ZNG1A: variants seen among roughly 807,000 people sequenced by gnomAD.
The protein encoded by ZNG1A is Zn regulated GTPase metalloprotein activator 1A.
the ZNG1A span, among the ~76,000 whole-genome samples, chr9:142,543 G>C: frequency 9.7e-6 from 1 of 103,084 alleles, no homozygotes; most frequent in Non-Finnish European, 1.9e-5. Flanking sequence ...ATTCAAAGCA[G>C]TGTGTAGAGG....
chr9:163,631 A>C, the ZNG1A span, among the ~76,000 whole-genome samples: 1 of 135,524 alleles, frequency 7.4e-6, no homozygotes, highest in Non-Finnish European at 1.6e-5. Flanking sequence ...TAAAAAACAA[A>C]AGAGGCAGGG....
At chr9:149,785 A>G in the ZNG1A span, among the ~76,000 whole-genome samples, 1 of 150,116 alleles carries the variant, frequency 6.7e-6, no homozygotes, top group Non-Finnish European at 1.5e-5. Flanking sequence ...TCCTCTGTTC[A>G]GTCCACTTAC....
chr9:132,353 A>G, the ZNG1A span, among the ~76,000 whole-genome samples: 1 of 16,214 alleles, frequency 6.2e-5, no homozygotes, highest in Non-Finnish European at 1.6e-4. Context: ...CATCTCTACT[A>G]AAAAAAAAAA....
the ZNG1A span, among the ~76,000 whole-genome samples, chr9:161,912 A>T: frequency 6.6e-6 from 1 of 151,384 alleles, no homozygotes; most frequent in Non-Finnish European, 1.5e-5. Context: ...TGTACTTTTT[A>T]AATTTTAAGT....
the ZNG1A span, among the ~76,000 whole-genome samples, chr9:139,726 A>C: frequency 6.6e-6 from 1 of 151,338 alleles, no homozygotes; most frequent in African/African-American, 2.4e-5. Context: ...AAGACAGGCG[A>C]TTTCTCCATT....
the ZNG1A span, among the ~76,000 whole-genome samples, chr9:127,719 T>C: frequency 1.3e-5 from 2 of 152,184 alleles, no homozygotes; most frequent in South Asian, 2.1e-4. Context: ...CTATTCATCA[T>C]GCTATTTGTT....
At chr9:123,883 A>G in the ZNG1A span, 1 of 156,992 alleles carries the variant, frequency 6.4e-6, no homozygotes, top group Non-Finnish European at 1.4e-5. Flanking sequence ...AGTGAAGATA[A>G]CTATTTCATT....
chr9:144,629 G>A, the ZNG1A span, among the ~76,000 whole-genome samples: 2 of 151,772 alleles, frequency 1.3e-5, no homozygotes, highest in African/African-American at 4.8e-5. Flanking sequence ...TCAGGACATA[G>A]GCATGGGCAA....
the ZNG1A span, among the ~76,000 whole-genome samples, chr9:176,852 A>C: frequency 4.0e-5 from 6 of 151,724 alleles, no homozygotes; most frequent in East Asian, 1.9e-4. Context: ...AAAAAAAAAA[A>C]CACTTTAAGA....
the ZNG1A span, among the ~76,000 whole-genome samples, chr9:145,643 A>G: frequency 6.6e-6 from 1 of 151,682 alleles, no homozygotes; most frequent in African/African-American, 2.4e-5. Context: ...GCACATGTAT[A>G]CATATGTAAC....
At chr9:140,155 C>G in the ZNG1A span, among the ~76,000 whole-genome samples, 6,865 of 151,020 alleles carry the variant, frequency 0.045, 265 homozygotes, top group African/African-American at 0.069. Flanking sequence ...CTGGGTGGAG[C>G]CCACCACAGC....
the ZNG1A span, among the ~76,000 whole-genome samples, chr9:152,571 C>T: frequency 6.6e-6 from 1 of 151,648 alleles, no homozygotes; most frequent in Non-Finnish European, 1.5e-5. Flanking sequence ...CTAAGTCACA[C>T]ATCCCAGGTT....
chr9:145,987 G>C, the ZNG1A span: 1 of 980,820 alleles, frequency 1.0e-6, no homozygotes, highest in South Asian at 1.7e-5. Context: ...GGTCTTGTAT[G>C]CCAAAGGAAT....
the ZNG1A span, among the ~76,000 whole-genome samples, chr9:135,295 T>A: frequency 1.4e-5 from 2 of 148,022 alleles, no homozygotes; most frequent in Non-Finnish European, 3.0e-5. Context: ...TTAGCAACAC[T>A]ATTTTGTATG....
At chr9:176,785 G>C in the ZNG1A span, among the ~76,000 whole-genome samples, 1 of 151,720 alleles carries the variant, frequency 6.6e-6, no homozygotes, top group Admixed American at 6.6e-5. Context: ...AAAGGAAAGG[G>C]TGAATGTAAG....
chr9:159,408 G>C, the ZNG1A span, among the ~76,000 whole-genome samples: 3 of 151,636 alleles, frequency 2.0e-5, no homozygotes, highest in Non-Finnish European at 2.9e-5. Context: ...ACTTGAATCT[G>C]CTAAAACATA....
chr9:166,697 C>G, the ZNG1A span: 1 of 138,846 alleles, frequency 7.2e-6, no homozygotes, highest in Non-Finnish European at 1.6e-5. Context: ...GCGTTTGTAG[C>G]GCTAAAGAAA....
At chr9:178,254 G>C in the ZNG1A span, among the ~76,000 whole-genome samples, 1 of 151,130 alleles carries the variant, frequency 6.6e-6, no homozygotes, top group Non-Finnish European at 1.5e-5. Context: ...GGAGGACAGA[G>C]ATTTTATTCT....
the ZNG1A span, among the ~76,000 whole-genome samples, chr9:131,940 C>G: frequency 0.098 from 10,459 of 106,596 alleles, 823 homozygotes; most frequent in East Asian, 0.24. Context: ...CTGTACCAGA[C>G]ACCTACTCAT....
Sources: gnomAD v4.1 joint callset for allele counts (sites outside exome capture counted in the v4.1 genomes callset) on GRCh38, gnomAD v4.1.1 for gene constraint, MANE v1.5 for transcripts, NCBI Gene and HGNC (gene_info 2026-07-23, HGNC 2026-07-21) for gene names.